STRA8: variants seen among roughly 807,000 people sequenced by gnomAD.
The protein encoded by STRA8 is stimulated by retinoic acid 8.
STRA8 carries 18 observed loss-of-function variants against 37.1 expected under a neutral mutation model. The observed-to-expected ratio is 0.48, with a 90% CI of 0.34 to 0.72. STRA8 has a LOEUF of 0.72. Ranked by LOEUF, STRA8 falls within the 30% of genes least tolerant of loss-of-function variation. The pLI, the probability that STRA8 is intolerant of heterozygous loss-of-function variation, is 0.01. For synonymous variants in STRA8, 168 were observed against 162.9 expected (o/e 1.03, Z -0.24); for missense variants, 357 against 410.4 (o/e 0.87, Z 1.13).
intron 1 of STRA8, among the ~76,000 whole-genome samples, chr7:135,234,239 T>C (rs1341551949): frequency 6.6e-6 from 1 of 152,148 alleles, no homozygotes; most frequent in Non-Finnish European, 1.5e-5. Context: ...CCCGAGTAGC[T>C]GGAACTACAG....
At chr7:135,252,640 T>C (rs960062166) in intron 7 of STRA8, among the ~76,000 whole-genome samples, 4 of 152,178 alleles carry the variant, frequency 2.6e-5, no homozygotes, top group African/African-American at 9.6e-5. Context: ...GGTTATCAGC[T>C]GTAGGTTGTG....
chr7:135,236,948 T>G (rs1008926089), intron 1 of STRA8, among the ~76,000 whole-genome samples: 2 of 152,234 alleles, frequency 1.3e-5, no homozygotes, highest in African/African-American at 4.8e-5. Flanking sequence ...ACACAACTGA[T>G]GCTTGACACA....
intron 6 of STRA8, among the ~76,000 whole-genome samples, chr7:135,247,493 G>T (rs1024437729): frequency 2.0e-5 from 3 of 152,192 alleles, no homozygotes; most frequent in African/African-American, 7.2e-5. Flanking sequence ...TCTACATCAG[G>T]TAAGACAAAG....
At chr7:135,240,899 C>G (rs757108677) in intron 2 of STRA8, among the ~76,000 whole-genome samples, 183 bp downstream of exon 2, 1 of 152,230 alleles carries the variant, frequency 6.6e-6, no homozygotes, top group South Asian at 2.1e-4. Context: ...GGTTCTGAAG[C>G]CTGTGAAGTC....
At chr7:135,233,659 CT>C (rs1832324175), upstream of STRA8, among the ~76,000 whole-genome samples, 1 of 152,200 alleles carries the variant, frequency 6.6e-6, no homozygotes, top group African/African-American at 2.4e-5. Context: ...TCTCTCCTCC[CT>C]TTTCTGTCGC....
intron 6 of STRA8, among the ~76,000 whole-genome samples, chr7:135,249,598 T>G (rs1832610869): frequency 1.3e-5 from 2 of 152,088 alleles, no homozygotes; most frequent in South Asian, 4.2e-4. Context: ...AAAGAAAAGA[T>G]AAATATATGT....
chr7:135,243,682 CAAAG>C (rs1832501664), intron 4 of STRA8, among the ~76,000 whole-genome samples: 2 of 152,138 alleles, frequency 1.3e-5, no homozygotes, highest in African/African-American at 4.8e-5. Flanking sequence ...TCCCAGAACT[CAAAG>C]AAAATCAATG....
intron 2 of STRA8, 75 bp from the exon 3 acceptor site, chr7:135,242,706 A>G (rs899090180): frequency 6.9e-7 from 1 of 1,439,648 alleles, no homozygotes; most frequent in African/African-American, 1.4e-5. Context: ...AGCCCTGGGA[A>G]GGGATTCCTG....
At chr7:135,249,199 G>A (rs1832605533) in intron 6 of STRA8, among the ~76,000 whole-genome samples, 1 of 152,194 alleles carries the variant, frequency 6.6e-6, no homozygotes, top group Non-Finnish European at 1.5e-5. Context: ...TATGGCACTC[G>A]ATATTGGCAT....
intron 6 of STRA8, among the ~76,000 whole-genome samples, chr7:135,248,704 T>C (rs1832599662): frequency 1.3e-5 from 2 of 152,154 alleles, no homozygotes; most frequent in Non-Finnish European, 2.9e-5. Flanking sequence ...AGCAAGACTC[T>C]ATCTATCCCA....
chr7:135,247,674 C>G (rs1832581601), intron 6 of STRA8, among the ~76,000 whole-genome samples: 2 of 152,228 alleles, frequency 1.3e-5, no homozygotes, highest in Admixed American at 6.5e-5. Context: ...GCCGTCAGTT[C>G]CCACCCCAAA....
In STRA8 at chr7:135,240,405, C is replaced by A. The variant is rs913555614; in HGVS notation, c.-6-114C>A. The A allele has an allele frequency of 1.3e-5, 12 of 950,418 alleles. No homozygotes were observed. In the African/African-American group the frequency reaches 1.3e-4, roughly 11 times the overall value. 58.9% of individuals were successfully genotyped at this position (950,418 alleles called of 1,614,324 possible). ...AATTCATGAGGGAGTGAATTTGGGG[C>A]CTTTACTTGGGAAGGGTACCTCCTT... On this transcript the variant is annotated intron_variant, in intron 1 of 8. Transcript: ENST00000662584.
intron 1 of STRA8, among the ~76,000 whole-genome samples, chr7:135,237,557 C>G (rs971196226): frequency 7.2e-5 from 11 of 152,150 alleles, no homozygotes; most frequent in Non-Finnish European, 1.5e-4. Flanking sequence ...TCACACAAAT[C>G]ACAGGTGCTG....
At chr7:135,249,110 G>A (rs989569560) in intron 6 of STRA8, among the ~76,000 whole-genome samples, 2 of 152,162 alleles carry the variant, frequency 1.3e-5, no homozygotes, top group Admixed American at 6.5e-5. Context: ...GCTACATAAA[G>A]ATGTTTTGGG....
chr7:135,245,416 A>AGG lies in STRA8; in HGVS notation c.482_483insGG (p.Glu163ArgfsTer20), dbSNP rs1296058479. On this transcript the variant is annotated frameshift_variant, in exon 5 of 9. Coordinates refer to ENST00000662584, the MANE Select transcript of STRA8 (RefSeq NM_001394401.1). LOFTEE classifies it high-confidence loss of function. ...CAAGAAGAAGAGGAGGAGGAAGAAG[A>AGG]AGAGGAGGAGGAGGAAGAGGAGGAA... 5.8e-5 allele frequency: 40 copies of AGG among 690,012 alleles called. No individual in the cohort carries two copies. In the African/African-American group the frequency reaches 6.9e-4, roughly 12 times the overall value. The allele number at this position is 690,012 out of a possible 1,614,324, so 42.7% of individuals were successfully genotyped here.
In STRA8 at chr7:135,246,439, A is replaced by G; in HGVS notation, c.616A>G (p.Thr206Ala). The G allele has an allele frequency of 5.0e-6, 8 of 1,603,566 alleles. No individual in the cohort carries two copies. The highest frequency in any genetic ancestry group is 6.8e-6 in the Non-Finnish European group (8 of 1,174,628). The change falls in exon 6 of 9, where the codon ACG becomes GCG. Residue 206 changes from threonine to alanine, a missense_variant. Coordinates refer to ENST00000662584, the MANE Select transcript of STRA8 (RefSeq NM_001394401.1). This position sits in a 1 kb window ranked among gnomAD's most constrained non-coding sequence, Gnocchi z 5.4. The stretch of plus-strand genomic sequence containing the variant: ...CAGGTATCTCAACTTTTACAAACAG[A>G]CGATGGACCTTCTGACTGGCAGCGG... ...FERYLNFYKQ[T>A]MDLLTGSGII...
At position 135,246,773 on chromosome 7, in the gene STRA8, G is replaced by A; in HGVS notation, c.879+71G>A. ...CCTCGCCCTCGCCTGGGGACACCAG[G>A]GCTTTGCATTTAGCAGGTTGGAGGT... On this transcript the variant is annotated intron_variant, in intron 6 of 8. Coordinates refer to ENST00000662584, the MANE Select transcript of STRA8 (RefSeq NM_001394401.1). The surrounding 1 kb of genome is among the most constrained non-coding windows in gnomAD (Gnocchi z 5.4). 3 of 1,431,984 alleles carry A rather than the reference G, an allele frequency of 2.1e-6. No homozygotes were observed. The highest frequency in any genetic ancestry group is 2.7e-6 in the Non-Finnish European group (3 of 1,092,334). 88.7% of individuals were successfully genotyped at this position (1,431,984 alleles called of 1,614,324 possible).
At chr7:135,254,571 A>G (rs1832679300) in intron 7 of STRA8, among the ~76,000 whole-genome samples, 1 of 152,060 alleles carries the variant, frequency 6.6e-6, no homozygotes, top group African/African-American at 2.4e-5. Context: ...CTTTTGAAGG[A>G]TTTTCATGTC....
chr7:135,243,536 A>G, intron 4 of STRA8, 126 bp downstream of exon 4: 1 of 723,624 alleles, frequency 1.4e-6, no homozygotes, highest in Non-Finnish European at 2.3e-6. Flanking sequence ...CTCACCATTC[A>G]AAACAGCCAT....
Sources: gnomAD v4.1 joint callset for allele counts (sites outside exome capture counted in the v4.1 genomes callset) on GRCh38, gnomAD v4.1.1 for gene constraint, Gnocchi (gnomAD v3.1) non-coding constraint, MANE v1.5 for transcripts, NCBI Gene and HGNC (gene_info 2026-07-23, HGNC 2026-07-21) for gene names.